The following HEPHL1 variants were observed in gnomAD, a reference collection of about 807,000 sequenced individuals.
HEPHL1 encodes the protein hephaestin like 1.
In HEPHL1, 123 loss-of-function variants were observed where a neutral mutation model predicts 122.0. The observed-to-expected ratio is 1.01, with a 90% CI of 0.87 to 1.17. HEPHL1 has a LOEUF of 1.17. Ranked by LOEUF, HEPHL1 falls within the 50% of genes most tolerant of loss-of-function variation. The pLI is 0.00. For missense variants in HEPHL1, 1,452 were observed against 1,430.5 expected (o/e 1.01, Z -0.24); for synonymous variants, 527 against 508.9 (o/e 1.04, Z -0.48).
rs146065040 is a variant in HEPHL1 at position 94,105,218 on chromosome 11, A to T, written c.2905+468A>T. Reference sequence around the variant, plus strand: ...GGGAGTAATGTGTTCACATTGACACATCCACAGTTTCTCACCAACAGCTAT... The same window carrying T: ...GGGAGTAATGTGTTCACATTGACACTTCCACAGTTTCTCACCAACAGCTAT... On this transcript the variant is annotated intron_variant, in intron 16 of 19. Coordinates refer to ENST00000315765, the MANE Select transcript of HEPHL1 (RefSeq NM_001098672.2). 7.4e-3 allele frequency among the ~76,000 whole-genome samples: 1,121 copies of T among 152,292 alleles called. 16 individuals are homozygous for T. Among genetic ancestry groups the T allele is most frequent in the African/African-American group, 0.026 (1,064 of 41,550 alleles).
intron 2 of HEPHL1, among the ~76,000 whole-genome samples, chr11:94,051,901 T>C (rs956611953): frequency 6.6e-6 from 1 of 152,144 alleles, no homozygotes; most frequent in African/African-American, 2.4e-5. Context: ...AGACTGTCTT[T>C]TCCCCAGTGT....
chr11:94,111,497 C>G (rs558822154), intron 18 of HEPHL1, 40 bp from the exon 19 acceptor site: 4 of 1,467,952 alleles, frequency 2.7e-6, no homozygotes, highest in Non-Finnish European at 3.8e-6. Flanking sequence ...GAATCCCCTT[C>G]TGTTGTTAAT....
intron 1 of HEPHL1, among the ~76,000 whole-genome samples, chr11:94,043,739 G>C (rs533909606): frequency 1.3e-5 from 2 of 151,564 alleles, no homozygotes; most frequent in African/African-American, 4.9e-5. Flanking sequence ...TTCATTGTTC[G>C]AGAGTATACT....
intron 13 of HEPHL1, among the ~76,000 whole-genome samples, chr11:94,100,537 C>T (rs1196153708): frequency 3.3e-5 from 5 of 152,176 alleles, no homozygotes; most frequent in Non-Finnish European, 7.4e-5. Context: ...CTTGGGTAAA[C>T]AAATATTGAG....
At position 94,070,439 on chromosome 11, in the gene HEPHL1, G is replaced by A. The variant is rs1431402087; in HGVS notation, c.1129G>A (p.Gly377Ser). ...TGATATTTTCTACCCCAAGATGAAG[G>A]GTCAACAGAGGCGCTACTTTATAGC... is the stretch of plus-strand genomic sequence containing the variant. The part of the protein sequence containing the change: ...KSDIFYPKMK[G>S]QQRRYFIAAE... Residue 377 changes from glycine (G) to serine (S), a missense_variant, in exon 6 of 20, where the codon GGT becomes AGT. By Grantham distance (56) the Gly-to-Ser change is moderately conservative (BLOSUM62 0). Transcript: ENST00000315765. The A allele has an allele frequency of 1.9e-6, 3 of 1,607,090 alleles. No individual in the cohort carries two copies. Among genetic ancestry groups the A allele is most frequent in the African/African-American group, 2.7e-5 (2 of 74,806 alleles).
chr11:94,075,040 C>G, intron 8 of HEPHL1, 134 bp from the exon 9 acceptor site: 1 of 679,476 alleles, frequency 1.5e-6, no homozygotes, highest in Non-Finnish European at 2.6e-6. Context: ...TGGTAGGATA[C>G]ATAAGAGAAA....
intron 8 of HEPHL1, among the ~76,000 whole-genome samples, chr11:94,074,090 A>C (rs1946101098): frequency 6.6e-6 from 1 of 151,880 alleles, no homozygotes; most frequent in Admixed American, 6.6e-5. Context: ...TGCAGCAGAC[A>C]CCCTGGCTTC....
In HEPHL1 at chr11:94,101,319, G is replaced by C. The variant is rs1946365755; in HGVS notation, c.2559G>C (p.Val853=). Residue 853 remains valine (V), a synonymous_variant, in exon 14 of 20, where the codon GTG becomes GTC. Coordinates refer to ENST00000315765, the MANE Select transcript of HEPHL1 (RefSeq NM_001098672.2). ...EEMDSGKQFQ[V]PMTKPGEVKT... Reference sequence around the variant, plus strand: ...TGGATAGTGGAAAGCAATTCCAAGTGCCCATGACAAAACCAGGTAAGTTGT... The same window carrying C: ...TGGATAGTGGAAAGCAATTCCAAGTCCCCATGACAAAACCAGGTAAGTTGT... The C allele has an allele frequency of 6.2e-7, 1 of 1,612,652 alleles. No individual in the cohort carries two copies. The highest frequency in any genetic ancestry group is 8.5e-7 in the Non-Finnish European group (1 of 1,179,096).
chr11:94,109,388 T>G (rs913616670), intron 17 of HEPHL1, among the ~76,000 whole-genome samples: 1 of 152,164 alleles, frequency 6.6e-6, no homozygotes, highest in Admixed American at 6.5e-5. Context: ...TAGTGCAATT[T>G]TGAATATGAG....
At chr11:94,107,496 A>G (rs1268879464) in intron 17 of HEPHL1, among the ~76,000 whole-genome samples, 3 of 152,234 alleles carry the variant, frequency 2.0e-5, no homozygotes, top group Admixed American at 6.5e-5. Flanking sequence ...GTAACGAACA[A>G]CAATCACAAT....
Position 94,089,358 on chromosome 11 carries a change from G to A in HEPHL1, c.2294+390G>A, listed in dbSNP as rs569626302. ...GGCTGCTGTGGATGCAGGACCTCAG[G>A]AAAGGTTGAGGCTGAGCCACTGGCA... On this transcript the variant is annotated intron_variant, in intron 12 of 19. Coordinates refer to ENST00000315765, the MANE Select transcript of HEPHL1 (RefSeq NM_001098672.2). Among the ~76,000 whole-genome samples, 4 of 152,308 alleles carry A rather than the reference G, an allele frequency of 2.6e-5. No individual in the cohort carries two copies. In the South Asian group the frequency reaches 8.3e-4, roughly 32 times the overall value.
intron 1 of HEPHL1, among the ~76,000 whole-genome samples, chr11:94,039,587 A>G (rs1945756930): frequency 2.0e-5 from 3 of 151,946 alleles, no homozygotes; most frequent in Admixed American, 1.3e-4. Flanking sequence ...CCGCTCAACT[A>G]CATGGAAACT....
chr11:94,048,056 A>G (rs1003577378), intron 2 of HEPHL1, among the ~76,000 whole-genome samples: 5 of 152,098 alleles, frequency 3.3e-5, no homozygotes, highest in African/African-American at 1.2e-4. Flanking sequence ...CCCCACTGGT[A>G]ACTTCTATTC....
At chr11:94,029,687 G>A (rs1945656239) in intron 1 of HEPHL1, among the ~76,000 whole-genome samples, 1 of 152,172 alleles carries the variant, frequency 6.6e-6, no homozygotes. Flanking sequence ...ATCCCCCCTT[G>A]GGGTGACTAT....
Position 94,021,479 on chromosome 11 carries a change from C to T in HEPHL1, c.111C>T (p.Tyr37=). The change falls in exon 1 of 20, where the codon TAC becomes TAT. Residue 37 remains tyrosine, a synonymous_variant. Transcript: ENST00000315765. ...ACTACATTGGGATTGTGGAAGAATA[C>T]TGGAACTATGTACCCCAAGGGAAGA... ...RTYYIGIVEE[Y]WNYVPQGKNV... 1 of 1,613,300 alleles carries T rather than the reference C, an allele frequency of 6.2e-7. No individual in the cohort carries two copies. The highest frequency in any genetic ancestry group is 1.3e-5 in the African/African-American group (1 of 75,022).
intron 12 of HEPHL1, among the ~76,000 whole-genome samples, chr11:94,093,249 T>A (rs1471596566): frequency 6.6e-6 from 1 of 151,946 alleles, no homozygotes; most frequent in African/African-American, 2.4e-5. Flanking sequence ...AGCAGAAGAT[T>A]ACAACCGTGA....
chr11:94,024,553 G>C (rs1233381011), intron 1 of HEPHL1, among the ~76,000 whole-genome samples: 1 of 152,134 alleles, frequency 6.6e-6, no homozygotes, highest in African/African-American at 2.4e-5. Context: ...GACAACTTTT[G>C]AAGTAGTCTT....
chr11:94,033,469 C>T (rs149008704), intron 1 of HEPHL1, among the ~76,000 whole-genome samples: 1 of 152,224 alleles, frequency 6.6e-6, no homozygotes, highest in African/African-American at 2.4e-5. Context: ...GTAAGAAGAG[C>T]AACTATGTGC....
At chr11:94,049,694 A>C (rs188840671) in intron 2 of HEPHL1, among the ~76,000 whole-genome samples, 1 of 151,962 alleles carries the variant, frequency 6.6e-6, no homozygotes, top group South Asian at 2.1e-4. Flanking sequence ...CCATTGATCT[A>C]TATACTTATC....
Sources: allele counts gnomAD v4.1 joint callset (sites outside exome capture counted in the v4.1 genomes callset), GRCh38; gene constraint gnomAD v4.1.1; transcripts MANE v1.5; gene names NCBI Gene and HGNC (gene_info 2026-07-23, HGNC 2026-07-21).